The following ZNF423 variants were observed in gnomAD, a reference collection of about 807,000 sequenced individuals.
The protein encoded by ZNF423 is zinc finger protein 423.
A neutral mutation model predicts 95.8 loss-of-function variants in ZNF423; 12 were observed. The ratio of observed to expected loss-of-function variants is 0.13; its 90% CI spans 0.08 to 0.20. The LOEUF is 0.20. Ranked by LOEUF, ZNF423 falls within the 10% of genes least tolerant of loss-of-function variation. The pLI is 1.00. For missense variants in ZNF423, 1,316 were observed against 1,737.1 expected (o/e 0.76, Z 4.31); for synonymous variants, 749 against 711.9 (o/e 1.05, Z -0.83).
At chr16:49,582,206 C>A (rs528402023) in intron 5 of ZNF423, among the ~76,000 whole-genome samples, 1 of 152,314 alleles carries the variant, frequency 6.6e-6, no homozygotes, top group African/African-American at 2.4e-5. Context: ...TGCATGAGAT[C>A]CTACTCTGTT....
At chr16:49,781,127 G>A (rs918024825) in intron 2 of ZNF423, among the ~76,000 whole-genome samples, 4 of 152,196 alleles carry the variant, frequency 2.6e-5, no homozygotes, top group Admixed American at 2.0e-4. Context: ...GGGAGCAATG[G>A]ACAGAGAAGA....
At chr16:49,774,448 G>A (rs1760632549) in intron 2 of ZNF423, among the ~76,000 whole-genome samples, 1 of 152,128 alleles carries the variant, frequency 6.6e-6, no homozygotes, top group Admixed American at 6.5e-5. Flanking sequence ...GCTCCAGCCA[G>A]ACTTTAGATC....
At chr16:49,830,079 A>C (rs1444792970) in intron 1 of ZNF423, among the ~76,000 whole-genome samples, 1 of 152,196 alleles carries the variant, frequency 6.6e-6, no homozygotes, top group African/African-American at 2.4e-5. Context: ...AGAACAACTC[A>C]CATGACATTA....
At chr16:49,574,893 C>G (rs1970449612) in intron 5 of ZNF423, among the ~76,000 whole-genome samples, 1 of 152,192 alleles carries the variant, frequency 6.6e-6, no homozygotes, top group South Asian at 2.1e-4. Context: ...CCCTTCAAAA[C>G]ATGCCAGCGG....
At chr16:49,578,329 C>T (rs1354142816) in intron 5 of ZNF423, among the ~76,000 whole-genome samples, 1 of 152,190 alleles carries the variant, frequency 6.6e-6, no homozygotes, top group African/African-American at 2.4e-5. Flanking sequence ...GGAAGGACTG[C>T]TTCCATTTGC....
intron 1 of ZNF423, among the ~76,000 whole-genome samples, chr16:49,840,966 G>A (rs1184365149): frequency 6.6e-6 from 1 of 152,250 alleles, no homozygotes; most frequent in Non-Finnish European, 1.5e-5. Context: ...GATTCGAGGA[G>A]AGATCCAAAA....
intron 3 of ZNF423, among the ~76,000 whole-genome samples, chr16:49,662,757 C>T (rs1483726952): frequency 1.3e-5 from 2 of 152,188 alleles, no homozygotes. Flanking sequence ...AACAAGGCAG[C>T]AGGCCAAGGC....
In ZNF423 at chr16:49,703,086, G is replaced by A. The variant is rs142960927; in HGVS notation, c.301+27685C>T. ...CAGGCGCGCAGGCATGCACACGCCC[G>A]CATTCCAATGCTGGGCCCTCCTCCC... On this transcript the variant is annotated intron_variant, in intron 3 of 7. Coordinates refer to ENST00000563137, the MANE Select transcript of ZNF423 (RefSeq NM_001379286.1). Among the ~76,000 whole-genome samples the A allele has an allele frequency of 2.4e-3, 370 of 152,316 alleles. 1 individual carries two copies. Among genetic ancestry groups the A allele is most frequent in the African/African-American group, 8.5e-3 (353 of 41,568 alleles).
chr16:49,511,937 C>G (rs947829753), intron 7 of ZNF423, among the ~76,000 whole-genome samples: 1 of 152,208 alleles, frequency 6.6e-6, no homozygotes, highest in African/African-American at 2.4e-5. Flanking sequence ...CTTAATGTCA[C>G]ATGGGGGCCC....
intron 6 of ZNF423, 84 bp from the exon 7 acceptor site, chr16:49,523,823 C>T (rs999617018): frequency 9.1e-7 from 1 of 1,103,244 alleles, no homozygotes; most frequent in Admixed American, 1.8e-5. Context: ...CACTCGCAGG[C>T]AGGGATCACT....
upstream of ZNF423, among the ~76,000 whole-genome samples, chr16:49,859,095 G>A (rs2035403846): frequency 6.6e-6 from 1 of 152,200 alleles, no homozygotes; most frequent in African/African-American, 2.4e-5. Context: ...CGGACAAAAG[G>A]AGCGCGGTGG....
At chr16:49,560,421 A>G (rs1969977187) in intron 5 of ZNF423, among the ~76,000 whole-genome samples, 1 of 152,172 alleles carries the variant, frequency 6.6e-6, no homozygotes, top group African/African-American at 2.4e-5. Context: ...AACAATTCCA[A>G]TCAGCCAGCT....
intron 5 of ZNF423, among the ~76,000 whole-genome samples, chr16:49,612,641 A>G (rs1292763699): frequency 6.6e-6 from 1 of 152,102 alleles, no homozygotes; most frequent in Non-Finnish European, 1.5e-5. Flanking sequence ...CCACTCTCAC[A>G]CTACTGTTAC....
At chr16:49,834,547 G>C (rs1182733439) in intron 1 of ZNF423, among the ~76,000 whole-genome samples, 2 of 152,026 alleles carry the variant, frequency 1.3e-5, no homozygotes, top group Non-Finnish European at 2.9e-5. Context: ...TCCCCTCTGG[G>C]AAGCACGCTC....
At chr16:49,733,881 C>T (rs985754391) in intron 2 of ZNF423, among the ~76,000 whole-genome samples, 1 of 152,220 alleles carries the variant, frequency 6.6e-6, no homozygotes, top group Non-Finnish European at 1.5e-5. Flanking sequence ...TTGCAATGCA[C>T]TTTCATGCCC....
intron 2 of ZNF423, among the ~76,000 whole-genome samples, chr16:49,762,531 G>T (rs1040400160): frequency 6.6e-6 from 1 of 152,212 alleles, no homozygotes; most frequent in Non-Finnish European, 1.5e-5. Flanking sequence ...TGTTCATGAG[G>T]TCAAGCAATT....
At chr16:49,507,744 G>A (rs1344525) in intron 7 of ZNF423, among the ~76,000 whole-genome samples, 62,875 of 151,598 alleles carry the variant, frequency 0.41, 13,481 homozygotes, top group African/African-American at 0.54. Context: ...CATTTCTAGT[G>A]GCCCCTAGAA....
chr16:49,664,113 G>T, intron 3 of ZNF423: 3 of 985,420 alleles, frequency 3.0e-6, no homozygotes, highest in Non-Finnish European at 3.6e-6. Context: ...TCACCAGGGC[G>T]TCCCAGGGCA....
chr16:49,731,491 G>C, intron 2 of ZNF423: 1 of 468,446 alleles, frequency 2.1e-6, no homozygotes, highest in Non-Finnish European at 2.8e-6. Context: ...CATGTTTGAA[G>C]AACCATGGAT....
Sources: allele counts gnomAD v4.1 joint callset (sites outside exome capture counted in the v4.1 genomes callset), GRCh38; gene constraint gnomAD v4.1.1; transcripts MANE v1.5; gene names NCBI Gene and HGNC (gene_info 2026-07-23, HGNC 2026-07-21).